GLYATL2: variants seen among roughly 807,000 people sequenced by gnomAD.
GLYATL2 encodes the protein glycine-N-acyltransferase like 2.
A neutral mutation model predicts 21.4 loss-of-function variants in GLYATL2; 25 were observed. The ratio of observed to expected loss-of-function variants is 1.17; its 90% CI spans 0.85 to 1.63. The LOEUF is 1.63. Among genes scored for constraint, GLYATL2 ranks in the 40% most tolerant of loss-of-function variants. The probability of loss-of-function intolerance (pLI) is 0.00; values close to 1 mark genes in which losing one functional copy is unlikely to be tolerated. For synonymous variants in GLYATL2, 114 were observed against 118.2 expected, an observed-to-expected ratio of 0.96 and a Z score of 0.23; for missense variants, 361 against 343.3, an observed-to-expected ratio of 1.05 and a Z score of -0.41.
intron 1 of GLYATL2, among the ~76,000 whole-genome samples, chr11:58,877,582 T>C (rs1022053964): frequency 2.0e-5 from 3 of 151,990 alleles, no homozygotes; most frequent in Non-Finnish European, 2.9e-5. Context: ...AAGTAACAAG[T>C]GAAGTTAAAG....
chr11:58,841,975 G>A (rs1433945492), intron 1 of GLYATL2, among the ~76,000 whole-genome samples: 2 of 152,120 alleles, frequency 1.3e-5, no homozygotes, highest in African/African-American at 2.4e-5. Context: ...TGAGAATATC[G>A]AAGGACAGAG....
At chr11:58,886,355 C>A (rs1176843408) in intron 1 of GLYATL2, among the ~76,000 whole-genome samples, 1 of 152,290 alleles carries the variant, frequency 6.6e-6, no homozygotes, top group Non-Finnish European at 1.5e-5. Flanking sequence ...ATTAATATTT[C>A]CAATTTAGAG....
intron 1 of GLYATL2, among the ~76,000 whole-genome samples, chr11:58,874,230 C>CA (rs1590739106): frequency 6.6e-6 from 1 of 152,142 alleles, no homozygotes; most frequent in African/African-American, 2.4e-5. Flanking sequence ...TTGACCTTTT[C>CA]AAAAAACCAG....
At chr11:58,853,574 G>A (rs1476562531) in intron 1 of GLYATL2, among the ~76,000 whole-genome samples, 1 of 152,046 alleles carries the variant, frequency 6.6e-6, no homozygotes, top group South Asian at 2.1e-4. Context: ...AGAAAATCAC[G>A]GCCAGGAGAA....
chr11:58,909,096 A>G (rs1166351742), upstream of GLYATL2, among the ~76,000 whole-genome samples: 1 of 152,204 alleles, frequency 6.6e-6, no homozygotes, highest in Non-Finnish European at 1.5e-5. Flanking sequence ...TGAGACATAA[A>G]CAAGTGATTT....
At chr11:58,850,849 A>G (rs981037877) in intron 1 of GLYATL2, among the ~76,000 whole-genome samples, 2 of 151,980 alleles carry the variant, frequency 1.3e-5, no homozygotes, top group Admixed American at 6.5e-5. Context: ...AGGCCTAACC[A>G]TCTCCCTGTG....
chr11:58,897,529 T>C (rs955072692), intron 1 of GLYATL2, among the ~76,000 whole-genome samples: 4 of 152,048 alleles, frequency 2.6e-5, no homozygotes, highest in Admixed American at 2.6e-4. Context: ...TCCAAAGGCT[T>C]CCCACCTGCC....
At chr11:58,899,651 C>A (rs1166534460) in intron 1 of GLYATL2, among the ~76,000 whole-genome samples, 4 of 152,082 alleles carry the variant, frequency 2.6e-5, no homozygotes, top group Admixed American at 6.5e-5. Context: ...CAAGCACATA[C>A]CAGCGGGTTA....
intron 1 of GLYATL2, among the ~76,000 whole-genome samples, chr11:58,877,947 G>T (rs1403879557): frequency 1.3e-5 from 2 of 152,202 alleles, no homozygotes; most frequent in Non-Finnish European, 2.9e-5. Flanking sequence ...TTAGTAGTGT[G>T]CACCTGTAAC....
intron 1 of GLYATL2, among the ~76,000 whole-genome samples, chr11:58,887,329 C>G (rs529098673): frequency 6.6e-6 from 1 of 152,088 alleles, no homozygotes; most frequent in Admixed American, 6.6e-5. Flanking sequence ...TAGTATACCA[C>G]GTTTCTTTCA....
At chr11:58,836,528 T>C (rs562426085) in intron 5 of GLYATL2, among the ~76,000 whole-genome samples, 1 of 152,144 alleles carries the variant, frequency 6.6e-6, no homozygotes, top group African/African-American at 2.4e-5. Flanking sequence ...TGTGCAATGA[T>C]CTATTTATGA....
intron 1 of GLYATL2, chr11:58,892,993 G>T (rs1458123782): frequency 3.2e-6 from 1 of 312,220 alleles, no homozygotes; most frequent in African/African-American, 2.2e-5. Flanking sequence ...GCAATGGTAG[G>T]TCTTCAAACA....
intron 1 of GLYATL2, among the ~76,000 whole-genome samples, chr11:58,864,543 T>C (rs680976): frequency 0.88 from 130,543 of 148,436 alleles, 59,296 homozygotes; most frequent in Non-Finnish European, 0.98. Context: ...AGTTCAGTGC[T>C]CACTTCCCTT....
At chr11:58,882,549 G>C (rs866739833) in intron 1 of GLYATL2, among the ~76,000 whole-genome samples, 2 of 152,096 alleles carry the variant, frequency 1.3e-5, no homozygotes, top group African/African-American at 2.4e-5. Flanking sequence ...CGCTCTGATG[G>C]TAGTTTCTTT....
At chr11:58,861,452 C>CT (rs775503312) in intron 1 of GLYATL2, among the ~76,000 whole-genome samples, 1 of 151,512 alleles carries the variant, frequency 6.6e-6, no homozygotes. Flanking sequence ...TTATTTTTAT[C>CT]TTTTTTTCTT....
chr11:58,862,387 T>C (rs1031840927), intron 1 of GLYATL2, among the ~76,000 whole-genome samples: 1 of 152,208 alleles, frequency 6.6e-6, no homozygotes, highest in Admixed American at 6.5e-5. Context: ...TTTCATCAGA[T>C]AAGATTTCTC....
In GLYATL2 at chr11:58,863,467, C is replaced by T. The variant is rs143941108; in HGVS notation, n.61-25099G>A. On this transcript the variant is annotated intron_variant and non_coding_transcript_variant, in intron 1 of 4. Transcript: ENST00000533636. ...TCCTAGAGCCTTCATCCATGATGGCCAGCCTAGCATCAGGATCTACTGAAC... is the reference window on the plus strand; with the variant it reads ...TCCTAGAGCCTTCATCCATGATGGCTAGCCTAGCATCAGGATCTACTGAAC... Among the ~76,000 whole-genome samples the T allele has an allele frequency of 4.1e-3, 617 of 152,274 alleles. 1 individual carries two copies. Among genetic ancestry groups the T allele is most frequent in the Middle Eastern group, 6.8e-3 (2 of 294 alleles).
rs61889943 is a variant in GLYATL2, at chr11:58,861,889, T to C, written n.61-23521A>G. 9.2e-3 allele frequency among the ~76,000 whole-genome samples: 1,400 copies of C among 152,258 alleles called. 10 individuals carry two copies. The highest frequency in any genetic ancestry group is 0.024 in the Middle Eastern group (7 of 294). On this transcript the variant is annotated intron_variant and non_coding_transcript_variant, in intron 1 of 4. Coordinates refer to the GLYATL2 transcript ENST00000533636. ...TTCATGCCATTGTTATCTGGAATGA[T>C]AAATAATATGATTTCAGTATTCTTA...
At chr11:58,871,129 CAT>C (rs1854110799) in intron 1 of GLYATL2, among the ~76,000 whole-genome samples, 1 of 152,020 alleles carries the variant, frequency 6.6e-6, no homozygotes, top group Non-Finnish European at 1.5e-5. Context: ...TGATCTGAGA[CAT>C]AATGAATTTG....
Sources: allele counts gnomAD v4.1 joint callset (sites outside exome capture counted in the v4.1 genomes callset), GRCh38; gene constraint gnomAD v4.1.1; transcripts MANE v1.5; gene names NCBI Gene and HGNC (gene_info 2026-07-23, HGNC 2026-07-21).